Variants in EFNA5 observed in about 807,000 individuals in gnomAD.
The protein encoded by EFNA5 is ephrin A5.
A neutral mutation model predicts 22.9 loss-of-function variants in EFNA5; 5 were observed. That is an observed-to-expected ratio of 0.22 (90% CI 0.11 to 0.46). The LOEUF (loss-of-function observed/expected upper bound fraction) is 0.46, where lower values mean the gene tolerates loss of function less well. Among genes scored for constraint, EFNA5 ranks in the 20% least tolerant of loss-of-function variants. The pLI is 0.99. For synonymous variants in EFNA5, 113 were observed against 112.2 expected (o/e 1.01, Z -0.04); for missense variants, 237 against 293.3 (o/e 0.81, Z 1.40).
intron 1 of EFNA5, among the ~76,000 whole-genome samples, chr5:107,516,930 C>T (rs1283911757): frequency 6.6e-6 from 1 of 151,868 alleles, no homozygotes; most frequent in Non-Finnish European, 1.5e-5. Flanking sequence ...ACAAAATGTC[C>T]CAAAAAGGCA....
At chr5:107,608,684 G>A (rs1423680716) in intron 1 of EFNA5, among the ~76,000 whole-genome samples, 4 of 152,124 alleles carry the variant, frequency 2.6e-5, no homozygotes, top group Non-Finnish European at 5.9e-5. Flanking sequence ...CTTCCTACTG[G>A]GCAAGACACA....
chr5:107,596,018 C>T (rs1442309889), intron 1 of EFNA5, among the ~76,000 whole-genome samples: 2 of 152,076 alleles, frequency 1.3e-5, no homozygotes, highest in African/African-American at 2.4e-5. Context: ...ATATTCCCTT[C>T]CTCCTATTTC....
rs913021629 is a variant in EFNA5, at chr5:107,503,785, A to G, written c.126-76276T>C. Among the ~76,000 whole-genome samples the G allele has an allele frequency of 2.2e-4, 33 of 152,296 alleles. 1 individual carries two copies. Among genetic ancestry groups the G allele is most frequent in the African/African-American group, 7.5e-4 (31 of 41,564 alleles). The stretch of plus-strand genomic sequence containing the variant: ...AACCATTAATATTTTTTATTACTAA[A>G]TTGTTTACCCATTAAAAAGGCCATT... On this transcript the variant is annotated intron_variant, in intron 1 of 4. Transcript: ENST00000333274.
chr5:107,605,569 C>G (rs1749695231), intron 1 of EFNA5, among the ~76,000 whole-genome samples: 1 of 151,770 alleles, frequency 6.6e-6, no homozygotes, highest in African/African-American at 2.4e-5. Flanking sequence ...ACCCCCACCC[C>G]CCGCCACCCC....
At chr5:107,420,521 T>C (rs1561378418) in intron 2 of EFNA5, among the ~76,000 whole-genome samples, 2 of 83,188 alleles carry the variant, frequency 2.4e-5, no homozygotes, top group African/African-American at 9.1e-5. Flanking sequence ...GTCTGTGCTT[T>C]TAAAAAAAAA....
chr5:107,493,032 A>G (rs958538722), intron 1 of EFNA5, among the ~76,000 whole-genome samples: 3 of 151,868 alleles, frequency 2.0e-5, no homozygotes, highest in African/African-American at 2.4e-5. Context: ...CTATTCTTGT[A>G]AGATTTTTTT....
At chr5:107,430,650 T>C (rs1389697521) in intron 1 of EFNA5, among the ~76,000 whole-genome samples, 2 of 152,158 alleles carry the variant, frequency 1.3e-5, no homozygotes, top group Non-Finnish European at 1.5e-5. Flanking sequence ...TGAAGACCCA[T>C]TCTACTTTGT....
At chr5:107,582,339 A>G (rs1468589005) in intron 1 of EFNA5, among the ~76,000 whole-genome samples, 2 of 152,226 alleles carry the variant, frequency 1.3e-5, no homozygotes, top group African/African-American at 4.8e-5. Flanking sequence ...ATATCTACAT[A>G]GGAAATTAAG....
intron 2 of EFNA5, among the ~76,000 whole-genome samples, chr5:107,394,317 C>T (rs554327037): frequency 1.4e-4 from 22 of 152,098 alleles, no homozygotes; most frequent in African/African-American, 2.2e-4. Flanking sequence ...GAGCCCAAGA[C>T]GTAAAATTTG....
intron 1 of EFNA5, among the ~76,000 whole-genome samples, chr5:107,644,211 T>C (rs1202975367): frequency 6.6e-6 from 1 of 152,120 alleles, no homozygotes; most frequent in African/African-American, 2.4e-5. Context: ...ATACAGGGGA[T>C]GACTTCTTAA....
intron 1 of EFNA5, among the ~76,000 whole-genome samples, chr5:107,630,624 C>A (rs1750230862): frequency 1.3e-5 from 2 of 151,774 alleles, no homozygotes. Context: ...GCTCTGTACA[C>A]TTCTGTAGAC....
intron 1 of EFNA5, among the ~76,000 whole-genome samples, chr5:107,637,439 C>T (rs1024512253): frequency 6.6e-6 from 1 of 151,720 alleles, no homozygotes; most frequent in African/African-American, 2.4e-5. Flanking sequence ...AATAAGGCTT[C>T]AGAGAGAGAA....
intron 1 of EFNA5, among the ~76,000 whole-genome samples, chr5:107,459,962 C>T (rs568628850): frequency 1.6e-4 from 24 of 152,238 alleles, no homozygotes; most frequent in East Asian, 7.7e-4. Context: ...CCACTCTGCA[C>T]GCCTCAAACG....
chr5:107,556,153 C>T (rs1446115373), intron 1 of EFNA5, among the ~76,000 whole-genome samples: 1 of 152,204 alleles, frequency 6.6e-6, no homozygotes, highest in Non-Finnish European at 1.5e-5. Context: ...GATAAACATG[C>T]TATCCCCATC....
chr5:107,471,527 A>ATCTT (rs1402666737), intron 1 of EFNA5, among the ~76,000 whole-genome samples: 3 of 152,210 alleles, frequency 2.0e-5, no homozygotes, highest in Non-Finnish European at 2.9e-5. Flanking sequence ...TCATGTCACT[A>ATCTT]TCTTGTCTTT....
At chr5:107,593,097 A>G (rs376509492) in intron 1 of EFNA5, among the ~76,000 whole-genome samples, 12 of 152,288 alleles carry the variant, frequency 7.9e-5, no homozygotes, top group African/African-American at 2.6e-4. Flanking sequence ...GTTCTTATGT[A>G]ACTGTTTGCT....
intron 1 of EFNA5, among the ~76,000 whole-genome samples, chr5:107,555,039 C>T (rs1032582251): frequency 6.6e-6 from 1 of 152,196 alleles, no homozygotes; most frequent in African/African-American, 2.4e-5. Context: ...CAGCAATTCT[C>T]GGTAACCTGG....
At chr5:107,427,974 A>G (rs1748849905) in intron 1 of EFNA5, among the ~76,000 whole-genome samples, 1 of 152,214 alleles carries the variant, frequency 6.6e-6, no homozygotes, top group African/African-American at 2.4e-5. Context: ...TTTTTGTTAT[A>G]GTTGAGGCCA....
chr5:107,502,109 A>G (rs1747150001), intron 1 of EFNA5, among the ~76,000 whole-genome samples: 1 of 152,206 alleles, frequency 6.6e-6, no homozygotes, highest in African/African-American at 2.4e-5. Flanking sequence ...GCCCCTCTTC[A>G]CCCAACGTAG....
Sources: gnomAD v4.1 joint callset for allele counts (sites outside exome capture counted in the v4.1 genomes callset) on GRCh38, gnomAD v4.1.1 for gene constraint, MANE v1.5 for transcripts, NCBI Gene and HGNC (gene_info 2026-07-23, HGNC 2026-07-21) for gene names.